Variants in TANK observed in about 807,000 individuals in gnomAD.
The protein encoded by TANK is TRAF family member-associated NF-kappa-B activator.
In TANK, 15 loss-of-function variants were observed where a neutral mutation model predicts 43.6. That is an observed-to-expected ratio of 0.34 (90% CI 0.23 to 0.53). TANK has a LOEUF of 0.53. Among genes scored for constraint, TANK ranks in the 20% least tolerant of loss-of-function variants. The pLI is 0.94. For missense variants in TANK, 417 were observed against 498.6 expected (o/e 0.84, Z 1.56); for synonymous variants, 162 against 178.2 (o/e 0.91, Z 0.73).
intron 2 of TANK, among the ~76,000 whole-genome samples, chr2:161,195,705 T>G (rs1686115190): frequency 6.6e-6 from 1 of 152,146 alleles, no homozygotes; most frequent in African/African-American, 2.4e-5. Flanking sequence ...AAGAACACAG[T>G]GGCTACTAGA....
intron 4 of TANK, chr2:161,208,124 T>C: frequency 6.1e-6 from 6 of 977,034 alleles, no homozygotes; most frequent in Non-Finnish European, 6.1e-6. Context: ...TTGTTTAGGA[T>C]TTTGTTTTGT....
intron 2 of TANK, among the ~76,000 whole-genome samples, chr2:161,181,679 A>G (rs922788760): frequency 6.6e-6 from 1 of 152,118 alleles, no homozygotes; most frequent in Admixed American, 6.5e-5. Context: ...CACTATCACA[A>G]GAATAGCATG....
At chr2:161,195,233 T>A (rs1161621377) in intron 2 of TANK, among the ~76,000 whole-genome samples, 2 of 152,208 alleles carry the variant, frequency 1.3e-5, no homozygotes, top group Non-Finnish European at 2.9e-5. Context: ...AAATCTACAA[T>A]GATAAGCAAA....
intron 4 of TANK, among the ~76,000 whole-genome samples, chr2:161,209,621 C>G (rs1686792387): frequency 6.6e-6 from 1 of 152,016 alleles, no homozygotes; most frequent in African/African-American, 2.4e-5. Context: ...ATTGTTTGCC[C>G]TCATCTTTCT....
intron 2 of TANK, among the ~76,000 whole-genome samples, chr2:161,202,310 C>T (rs1686455009): frequency 6.6e-6 from 1 of 151,260 alleles, no homozygotes; most frequent in Admixed American, 6.6e-5. Context: ...CTGCCTCAGC[C>T]TCCCAAGTAG....
intron 1 of TANK, among the ~76,000 whole-genome samples, chr2:161,150,639 C>G (rs1195868525): frequency 6.8e-6 from 1 of 146,656 alleles, no homozygotes; most frequent in East Asian, 2.0e-4. Context: ...CTCTGTCTCC[C>G]AGGCTGGTGC....
chr2:161,181,820 C>T (rs1012156337), intron 2 of TANK, among the ~76,000 whole-genome samples: 1 of 152,090 alleles, frequency 6.6e-6, no homozygotes, highest in Non-Finnish European at 1.5e-5. Flanking sequence ...GGAAAACTTG[C>T]ACCTAAACCT....
chr2:161,232,644 A>G (rs1687975831), intron 7 of TANK: 1 of 1,372,760 alleles, frequency 7.3e-7, no homozygotes, highest in Non-Finnish European at 9.6e-7. Flanking sequence ...ATTTATTGCA[A>G]GTAGAATTCC....
intron 1 of TANK, among the ~76,000 whole-genome samples, chr2:161,152,740 A>G (rs1190750529): frequency 1.3e-5 from 2 of 152,208 alleles, no homozygotes; most frequent in African/African-American, 4.8e-5. Context: ...AATTTAAATA[A>G]TTAGCCATAA....
At chr2:161,153,834 C>A (rs1285083228) in intron 1 of TANK, among the ~76,000 whole-genome samples, 2 of 152,088 alleles carry the variant, frequency 1.3e-5, no homozygotes, top group East Asian at 3.9e-4. Context: ...GTACACTCGA[C>A]CTTTGACAGG....
chr2:161,192,464 T>G (rs1921309), intron 2 of TANK, among the ~76,000 whole-genome samples: 2 of 152,000 alleles, frequency 1.3e-5, no homozygotes, highest in Admixed American at 1.3e-4. Context: ...AATTGTGTTT[T>G]TCTCTTTTAG....
upstream of TANK, chr2:161,160,327 G>A (rs1177239302): frequency 3.6e-6 from 3 of 837,426 alleles, no homozygotes; most frequent in Middle Eastern, 4.0e-4. Context: ...GGGGCAGGGC[G>A]GAAGGGCCCT....
Position 161,230,954 on chromosome 2 carries a change from T to G in TANK, c.521-17T>G, listed in dbSNP as rs760252914. On this transcript the variant is annotated splice_polypyrimidine_tract_variant and intron_variant, in intron 6 of 7. Coordinates refer to ENST00000392749, the MANE Select transcript of TANK (RefSeq NM_001199135.3). ...TTTGAATGCGGCTGTTTCTCTTTTG[T>G]GTTCTTCTCCCTCCAGAAACACAGT... The G allele has an allele frequency of 5.6e-6, 9 of 1,596,018 alleles. No individual in the cohort carries two copies. Among genetic ancestry groups the G allele is most frequent in the Non-Finnish European group, 7.7e-6 (9 of 1,164,224 alleles).
At chr2:161,211,809 G>A (rs925710074) in intron 4 of TANK, 22 of 985,368 alleles carry the variant, frequency 2.2e-5, no homozygotes, top group South Asian at 4.7e-5. Context: ...GGAGAAAAAC[G>A]TGTTTGTGTG....
chr2:161,225,924 C>T (rs1687593120), intron 6 of TANK, among the ~76,000 whole-genome samples: 1 of 152,120 alleles, frequency 6.6e-6, no homozygotes, highest in Admixed American at 6.5e-5. Context: ...TTCTTTCTCT[C>T]CCTTCCCCCA....
At chr2:161,209,544 T>C (rs1315999760) in intron 4 of TANK, among the ~76,000 whole-genome samples, 1 of 152,204 alleles carries the variant, frequency 6.6e-6, no homozygotes, top group Non-Finnish European at 1.5e-5. Flanking sequence ...ATTTTTATAA[T>C]TTGCTTCTGG....
intron 2 of TANK, among the ~76,000 whole-genome samples, chr2:161,182,733 A>G (rs572290377): frequency 6.6e-6 from 1 of 152,084 alleles, no homozygotes; most frequent in Non-Finnish European, 1.5e-5. Flanking sequence ...AGAAGGGACA[A>G]CCAGTTCAAA....
intron 2 of TANK, among the ~76,000 whole-genome samples, chr2:161,201,913 T>C (rs1686430830): frequency 6.6e-6 from 1 of 152,252 alleles, no homozygotes; most frequent in Non-Finnish European, 1.5e-5. Context: ...TTCATTCTTC[T>C]GTTCACAATA....
At chr2:161,228,299 A>G (rs1470422456) in intron 6 of TANK, among the ~76,000 whole-genome samples, 1 of 152,220 alleles carries the variant, frequency 6.6e-6, no homozygotes, top group Non-Finnish European at 1.5e-5. Context: ...TGGGAGGCTG[A>G]GCTGGGCAGA....
Sources: allele counts gnomAD v4.1 joint callset (sites outside exome capture counted in the v4.1 genomes callset), GRCh38; gene constraint gnomAD v4.1.1; transcripts MANE v1.5; gene names NCBI Gene and HGNC (gene_info 2026-07-23, HGNC 2026-07-21).